The following CUX1 variants were observed in gnomAD, a reference collection of about 807,000 sequenced individuals.
CUX1 encodes the protein protein CASP.
Under a neutral mutation model 158.8 loss-of-function variants are expected in CUX1, and 31 were observed. The observed-to-expected ratio is 0.20, with a 90% CI of 0.15 to 0.26. The LOEUF (loss-of-function observed/expected upper bound fraction) is 0.26, where lower values mean the gene tolerates loss of function less well. Ranked by LOEUF, CUX1 falls within the 10% of genes least tolerant of loss-of-function variation. The probability of loss-of-function intolerance (pLI) is 1.00; values close to 1 mark genes in which losing one functional copy is unlikely to be tolerated. For synonymous variants in CUX1, 879 were observed against 862.1 expected (o/e 1.02, Z -0.34); for missense variants, 1,589 against 2,014.6 (o/e 0.79, Z 4.04).
chr7:102,280,001 C>G, intron 18 of CUX1: 8 of 1,429,588 alleles, frequency 5.6e-6, no homozygotes, highest in Non-Finnish European at 7.8e-6. Context: ...GGCCCCAAGG[C>G]ACTGACTGGT....
rs782482000 is a variant in CUX1 at position 102,239,471 on chromosome 7, G to A, written c.3774G>A (p.Ala1258=). 10 of 1,613,972 alleles carry A rather than the reference G, an allele frequency of 6.2e-6. No homozygotes were observed. The Middle Eastern group carries it at 1.2e-3, about 186-fold the overall frequency. Residue 1258 remains alanine (A), a synonymous_variant, in exon 23 of 24, where the codon GCG becomes GCA. Transcript: ENST00000292535. ...RVVLAPEEKE[A]LKRAYQQKPY... is the part of the protein sequence containing the mutation. ...TGCTGGCTCCGGAGGAGAAGGAGGC[G>A]CTGAAACGAGCGTATCAGCAAAAGC...
At chr7:102,012,022 T>A (rs900424505) in intron 2 of CUX1, among the ~76,000 whole-genome samples, 6 of 152,104 alleles carry the variant, frequency 3.9e-5, no homozygotes, top group African/African-American at 1.2e-4. Context: ...TTGGCCATGC[T>A]GGTTGACGCT....
chr7:101,949,383 G>C (rs536645848), intron 2 of CUX1, among the ~76,000 whole-genome samples: 3 of 152,108 alleles, frequency 2.0e-5, no homozygotes, highest in South Asian at 4.2e-4. Context: ...GCCCGCCTAG[G>C]CCTCCCAAAA....
chr7:102,253,786 T>C lies in CUX1; in HGVS notation c.*4744T>C, dbSNP rs1256481843. 2.0e-6 allele frequency: 2 copies of C among 985,426 alleles called. No homozygotes were observed. Among genetic ancestry groups the C allele is most frequent in the African/African-American group, 3.5e-5 (2 of 57,236 alleles). The allele number at this position is 985,426 out of a possible 1,614,324, so 61.0% of individuals were successfully genotyped here. A position where few individuals can be genotyped will look rare whatever the true frequency, so the allele number is the denominator to read the frequency against. On this transcript the variant is annotated 3_prime_UTR_variant, in exon 24 of 24. Transcript: ENST00000292535. ...CAAGCCAGCTGTACAGGGCGAGATG[T>C]AGCAACACGGGGCATGAGCGGTGGG...
At chr7:102,191,480 A>G (rs1794267923) in intron 12 of CUX1, among the ~76,000 whole-genome samples, 1 of 151,978 alleles carries the variant, frequency 6.6e-6, no homozygotes. Context: ...TGATCCACCC[A>G]CCTCAGCCTC....
At chr7:102,130,726 C>A (rs1302168037) in intron 8 of CUX1, among the ~76,000 whole-genome samples, 1 of 152,044 alleles carries the variant, frequency 6.6e-6, no homozygotes, top group Non-Finnish European at 1.5e-5. Context: ...ATCCAAATAG[C>A]CTGAAGCACA....
chr7:101,954,005 G>A (rs1385950902), intron 2 of CUX1, among the ~76,000 whole-genome samples: 1 of 152,146 alleles, frequency 6.6e-6, no homozygotes, highest in African/African-American at 2.4e-5. Flanking sequence ...GGGTAACACA[G>A]CAAGACCCCC....
At chr7:102,020,987 A>G (rs1458596158) in intron 2 of CUX1, among the ~76,000 whole-genome samples, 3 of 152,100 alleles carry the variant, frequency 2.0e-5, no homozygotes, top group African/African-American at 7.2e-5. Context: ...ACAGAAGGTG[A>G]CAACAGGCCA....
intron 1 of CUX1, among the ~76,000 whole-genome samples, chr7:101,900,092 C>CA (rs1372519569): frequency 1.3e-5 from 2 of 152,200 alleles, no homozygotes; most frequent in Non-Finnish European, 2.9e-5. Context: ...CAGCTGGAGT[C>CA]ACTGTTCCAG....
rs1301099354 is a variant in CUX1, at chr7:102,099,886, G to T, written c.406+2385G>T. Among the ~76,000 whole-genome samples the T allele has an allele frequency of 3.3e-5, 5 of 152,038 alleles. No individual in the cohort carries two copies. In the East Asian group the frequency reaches 5.8e-4, roughly 18 times the overall value. Reference sequence around the variant, plus strand: ...CCAGTGGCCAGGGCTTTGCACAGGGGCTGACCAGGAGCCAAGCTGGGTGTG... The same window carrying T: ...CCAGTGGCCAGGGCTTTGCACAGGGTCTGACCAGGAGCCAAGCTGGGTGTG... On this transcript the variant is annotated intron_variant, in intron 5 of 23. Transcript: ENST00000292535.
In CUX1 at chr7:101,837,963, C is replaced by T. The variant is rs955377537; in HGVS notation, c.30+20294C>T. ...TTGTTTTCTGCCTGCCTTTATGGTC[C>T]GTTCTCATTTTCAGCCCCCTTTCCT... On this transcript the variant is annotated intron_variant, in intron 1 of 23. Coordinates refer to ENST00000292535, the MANE Select transcript of CUX1 (RefSeq NM_181552.4). Among the ~76,000 whole-genome samples the T allele has an allele frequency of 2.0e-5, 3 of 151,374 alleles. 1 individual carries two copies. The South Asian group carries it at 6.3e-4, about 32-fold the overall frequency.
chr7:102,134,067 G>A (rs1709074826), intron 8 of CUX1, among the ~76,000 whole-genome samples: 1 of 152,158 alleles, frequency 6.6e-6, no homozygotes, highest in South Asian at 2.1e-4. Flanking sequence ...TGGCGCGCTG[G>A]CTCACACCTG....
At chr7:101,867,294 G>A (rs1162491592) in intron 1 of CUX1, among the ~76,000 whole-genome samples, 1 of 152,192 alleles carries the variant, frequency 6.6e-6, no homozygotes, top group Non-Finnish European at 1.5e-5. Context: ...GGGAAGGAAT[G>A]GCTGGAGTAA....
chr7:101,869,277 C>T lies in CUX1; in HGVS notation c.31-46838C>T, dbSNP rs563709967. ...GAGGAGCATCACTGTGTCCAGAGGA[C>T]GCGGTGCCTTTCAGACCCCTTGAGT... is the stretch of plus-strand genomic sequence containing the variant. On this transcript the variant is annotated intron_variant, in intron 1 of 23. Transcript: ENST00000292535. This position sits in a 1 kb window ranked among gnomAD's most constrained non-coding sequence, Gnocchi z 4.5. Among the ~76,000 whole-genome samples, 4 of 152,226 alleles carry T rather than the reference C, an allele frequency of 2.6e-5. No homozygotes were observed. Among genetic ancestry groups the T allele is most frequent in the Admixed American group, 6.5e-5 (1 of 15,288 alleles).
At chr7:102,235,827 G>A (rs1799505583) in intron 22 of CUX1, among the ~76,000 whole-genome samples, 1 of 149,966 alleles carries the variant, frequency 6.7e-6, no homozygotes, top group South Asian at 2.1e-4. Flanking sequence ...GCCAGGGGTG[G>A]GTATGGAACC....
chr7:102,250,056 AAAAAAG>A lies in CUX1; in HGVS notation c.*1020_*1025del, dbSNP rs1801330908. 2 of 979,280 alleles carry A rather than the reference AAAAAAG, an allele frequency of 2.0e-6. No homozygotes were observed. The highest frequency in any genetic ancestry group is 2.4e-6 in the Non-Finnish European group (2 of 826,054). 60.7% of individuals were successfully genotyped at this position (979,280 alleles called of 1,614,324 possible). A position where few individuals can be genotyped will look rare whatever the true frequency, so the allele number is the denominator to read the frequency against. On this transcript the variant is annotated 3_prime_UTR_variant, in exon 24 of 24. Transcript: ENST00000292535. ...GCCAAATCAGGACAAAAAAAAGAAA[AAAAAAG>A]AAAAAAAAAAAAGAAAAGATCCGAA... is the stretch of plus-strand genomic sequence containing the variant.
At chr7:101,837,370 A>G (rs1024117905) in intron 1 of CUX1, among the ~76,000 whole-genome samples, 1 of 152,206 alleles carries the variant, frequency 6.6e-6, no homozygotes, top group African/African-American at 2.4e-5. Flanking sequence ...TTACAGTGAA[A>G]TACCAAATCT....
Position 102,257,361 on chromosome 7 carries a change from T to C in CUX1, c.*8319T>C. The C allele has an allele frequency of 1.0e-6, 1 of 984,308 alleles. No individual in the cohort carries two copies. The highest frequency in any genetic ancestry group is 1.1e-4 in the East Asian group (1 of 8,780). 61.0% of individuals were successfully genotyped at this position (984,308 alleles called of 1,614,324 possible). A position where few individuals can be genotyped will look rare whatever the true frequency, so the allele number is the denominator to read the frequency against. On this transcript the variant is annotated 3_prime_UTR_variant, in exon 24 of 24. Transcript: ENST00000292535. ...CTATGCATTTCTCTCTCTCAAACCA[T>C]CTTCTGCCTCTTCCCTTGAGAAAAC...
At chr7:101,820,514 T>C (rs1370527221) in intron 1 of CUX1, among the ~76,000 whole-genome samples, 1 of 152,240 alleles carries the variant, frequency 6.6e-6, no homozygotes, top group Non-Finnish European at 1.5e-5. Context: ...TAGAAATTAC[T>C]TAAGACCTAT....
Sources: gnomAD v4.1 joint callset for allele counts (sites outside exome capture counted in the v4.1 genomes callset) on GRCh38, gnomAD v4.1.1 for gene constraint, Gnocchi (gnomAD v3.1) non-coding constraint, MANE v1.5 for transcripts, NCBI Gene and HGNC (gene_info 2026-07-23, HGNC 2026-07-21) for gene names.